MACF1: variants seen among roughly 807,000 people sequenced by gnomAD.
MACF1 encodes the protein microtubule actin crosslinking factor 1.
A neutral mutation model predicts 854.8 loss-of-function variants in MACF1; 193 were observed. The ratio of observed to expected loss-of-function variants is 0.23; its 90% CI spans 0.20 to 0.25. MACF1 has a LOEUF of 0.25. Among genes scored for constraint, MACF1 ranks in the 10% least tolerant of loss-of-function variants. The pLI is 1.00. For missense variants in MACF1, 7,722 were observed against 8,929.1 expected (o/e 0.86, Z 5.45); for synonymous variants, 3,185 against 3,226.7 (o/e 0.99, Z 0.44).
intron 56 of MACF1, among the ~76,000 whole-genome samples, chr1:39,382,719 G>A (rs968765263): frequency 6.6e-6 from 1 of 150,970 alleles, no homozygotes; most frequent in African/African-American, 2.5e-5. Flanking sequence ...GTAATCCCCT[G>A]TGATAGTGAT....
At chr1:39,117,233 GT>G (rs1299820804) in intron 2 of MACF1, among the ~76,000 whole-genome samples, 2 of 151,352 alleles carry the variant, frequency 1.3e-5, no homozygotes, top group Non-Finnish European at 1.5e-5. Context: ...TACTTGCTTG[GT>G]TTTTTTTCAC....
Position 39,331,747 on chromosome 1 carries a change from A to G in MACF1, c.5159A>G (p.His1720Arg). The G allele has an allele frequency of 6.2e-7, 1 of 1,614,182 alleles. No individual in the cohort carries two copies. The highest frequency in any genetic ancestry group is 8.5e-7 in the Non-Finnish European group (1 of 1,180,032). The change falls in exon 37 of 101, where the codon CAC becomes CGC. Residue 1720 changes from histidine to arginine, a missense_variant. By Grantham distance (29) the His-to-Arg change is conservative. Around this residue, in one of 15 missense-constraint regions of MACF1, gnomAD observed 1,531 missense variants for 1,601.6 expected, o/e 0.96. Coordinates refer to ENST00000564288, the MANE Select transcript of MACF1 (RefSeq NM_001394062.1). ...GATCTGATGCAGCGATGTATTGTCC[A>G]CCAGGAATCAGGATTCAAATTACTG... ...LLDLMQRCIV[H>R]QESGFKLLPV... is the part of the protein sequence containing the mutation.
At chr1:39,181,122 G>A (rs1355021751) in intron 2 of MACF1, among the ~76,000 whole-genome samples, 5 of 152,186 alleles carry the variant, frequency 3.3e-5, no homozygotes. Context: ...TGTCCAGGCT[G>A]GCTTCGAACT....
At chr1:39,389,941 A>G (rs952325843) in intron 58 of MACF1, among the ~76,000 whole-genome samples, 1 of 152,230 alleles carries the variant, frequency 6.6e-6, no homozygotes, top group Admixed American at 6.5e-5. Context: ...CTTAATTGCA[A>G]AAATACTTTA....
chr1:39,405,679 C>G (rs80343368), intron 58 of MACF1, among the ~76,000 whole-genome samples: 8,470 of 152,238 alleles, frequency 0.056, 300 homozygotes, highest in African/African-American at 0.098. Flanking sequence ...AAATCTAACA[C>G]CAAATTCTGT....
At position 39,303,022 on chromosome 1, in the gene MACF1, G is replaced by A. The variant is rs142232464; in HGVS notation, c.2733G>A (p.Pro911=). 45 of 1,614,042 alleles carry A rather than the reference G, an allele frequency of 2.8e-5. 2 individuals are homozygous for A. In the Admixed American group the frequency reaches 5.0e-4, roughly 18 times the overall value. The change falls in exon 23 of 101, where the codon CCG becomes CCA. Residue 911 remains proline (P), a synonymous_variant. Transcript: ENST00000564288. ...ISPTGNEAMV[P]SVCFLIPPPN... ...CCACAGGGAACGAGGCAATGGTGCC[G>A]TCAGTCTGCTTCCTCATCCCCCCAC...
chr1:39,112,758 A>C (rs1451915803), intron 2 of MACF1, among the ~76,000 whole-genome samples: 1 of 152,210 alleles, frequency 6.6e-6, no homozygotes. Flanking sequence ...TCTTCTAGAA[A>C]AGAATTAGCA....
intron 2 of MACF1, among the ~76,000 whole-genome samples, chr1:39,188,733 TAG>T (rs1000882173): frequency 6.6e-6 from 1 of 152,222 alleles, no homozygotes; most frequent in African/African-American, 2.4e-5. Context: ...GCCTCCCAAG[TAG>T]CTGGGATTAC....
chr1:39,429,356 C>T (rs1643825415), intron 64 of MACF1, 30 bp downstream of exon 64: 2 of 1,253,478 alleles, frequency 1.6e-6, no homozygotes, highest in Non-Finnish European at 2.3e-6. Context: ...TCTTAGCACC[C>T]CTATGGTCTC....
rs1385092854 is a variant in MACF1 at position 39,429,860 on chromosome 1, A to G, written c.16922A>G (p.Asp5641Gly). The change falls in exon 65 of 101, where the codon GAT becomes GGT. Residue 5641 changes from aspartate (D) to glycine (G), a missense_variant. Around this residue, in one of 15 missense-constraint regions of MACF1, gnomAD observed 2,807 missense variants for 3,235.8 expected, o/e 0.87. Transcript: ENST00000564288. ...GTGTTACTTATCCAGGAAAAACTAG[A>G]TGGTATAAAGACTCGTTACGCAGAC... ...EEVLLIQEKL[D>G]GIKTRYADIT... is the part of the protein sequence containing the mutation. 5.0e-6 allele frequency: 8 copies of G among 1,613,964 alleles called. No individual in the cohort carries two copies. The highest frequency in any genetic ancestry group is 6.8e-6 in the Non-Finnish European group (8 of 1,179,968).
intron 2 of MACF1, among the ~76,000 whole-genome samples, chr1:39,233,775 C>CTTTTTT (rs11286953): frequency 2.1e-3 from 78 of 36,528 alleles, no homozygotes; most frequent in Non-Finnish European, 3.8e-3. Context: ...CTAGCCATAG[C>CTTTTTT]TTTTTTTTTT....
chr1:39,414,964 C>T (rs1187940650), intron 58 of MACF1, among the ~76,000 whole-genome samples: 1 of 152,092 alleles, frequency 6.6e-6, no homozygotes, highest in Non-Finnish European at 1.5e-5. Flanking sequence ...TTTGTTAAGG[C>T]ATAACTCTGT....
chr1:39,384,627 C>T (rs564681930), intron 56 of MACF1, among the ~76,000 whole-genome samples: 2 of 152,286 alleles, frequency 1.3e-5, no homozygotes, highest in Admixed American at 1.3e-4. Flanking sequence ...TAGTCATTGC[C>T]TTAAAGAAGC....
intron 58 of MACF1, chr1:39,412,738 G>A (rs1162791339): frequency 3.1e-6 from 5 of 1,613,700 alleles, no homozygotes; most frequent in Non-Finnish European, 4.2e-6. Context: ...ACCAGTTTTA[G>A]AGGAATGGAT....
intron 60 of MACF1, among the ~76,000 whole-genome samples, chr1:39,423,231 TGTTG>T (rs879431317): frequency 7.1e-4 from 108 of 152,352 alleles, no homozygotes; most frequent in African/African-American, 2.5e-3. Context: ...CTATATTTTT[TGTTG>T]GTTTAATTTC....
At chr1:39,386,398 C>CT (rs757653072) in intron 57 of MACF1, among the ~76,000 whole-genome samples, 6 of 150,304 alleles carry the variant, frequency 4.0e-5, no homozygotes, top group Non-Finnish European at 8.9e-5. Context: ...GTAGCTGGGA[C>CT]TATAGACACA....
At chr1:39,306,226 C>A (rs1646172336) in intron 23 of MACF1, among the ~76,000 whole-genome samples, 1 of 150,380 alleles carries the variant, frequency 6.6e-6, no homozygotes, top group African/African-American at 2.5e-5. Context: ...GTGGTGCAAT[C>A]TGGGCTCATT....
intron 2 of MACF1, among the ~76,000 whole-genome samples, chr1:39,132,933 C>T (rs1272684553): frequency 6.6e-6 from 1 of 152,210 alleles, no homozygotes; most frequent in Non-Finnish European, 1.5e-5. Context: ...ACTGGTAGAG[C>T]CCCTTCTCCC....
At chr1:39,406,738 C>CG (rs1553362719) in intron 58 of MACF1, among the ~76,000 whole-genome samples, 1 of 31,838 alleles carries the variant, frequency 3.1e-5, no homozygotes, top group Admixed American at 3.0e-4. Flanking sequence ...GAGTCTCACT[C>CG]AAAAAAAAAA....
Sources: gnomAD v4.1 joint callset for allele counts (sites outside exome capture counted in the v4.1 genomes callset) on GRCh38, gnomAD v4.1.1 for gene constraint, gnomAD v4.1.1 regional missense constraint, MANE v1.5 for transcripts, NCBI Gene and HGNC (gene_info 2026-07-23, HGNC 2026-07-21) for gene names.